Variants in ANXA1 observed in about 807,000 individuals in gnomAD.
ANXA1 encodes annexin I (lipocortin I).
A neutral mutation model predicts 47.9 loss-of-function variants in ANXA1; 39 were observed. The ratio of observed to expected loss-of-function variants is 0.81; its 90% CI spans 0.63 to 1.06. ANXA1 has a LOEUF of 1.06. Among genes scored for constraint, ANXA1 ranks in the 50% least tolerant of loss-of-function variants. The probability of loss-of-function intolerance (pLI) is 0.00; values close to 1 mark genes in which losing one functional copy is unlikely to be tolerated. For synonymous variants in ANXA1, 146 were observed against 142.5 expected (o/e 1.02, Z -0.17); for missense variants, 446 against 422.7 (o/e 1.06, Z -0.48).
chr9:73,166,209 T>C lies in ANXA1; in HGVS notation c.802+17T>C. 1.9e-6 allele frequency: 3 copies of C among 1,561,546 alleles called. No homozygotes were observed. Among genetic ancestry groups the C allele is most frequent in the East Asian group, 4.5e-5 (2 of 44,412 alleles). ...CAGCTATCGGTATGTAGTCCAGCAG[T>C]TGAAAGAGTTTTCTAACTAGAAATT... On this transcript the variant is annotated intron_variant, in intron 10 of 12. Coordinates refer to ENST00000257497, the MANE Select transcript of ANXA1 (RefSeq NM_000700.3).
Position 73,156,139 on chromosome 9 carries a change from A to AAATAATATAT in ANXA1, c.-14-2382_-14-2381insATAATATATA, listed in dbSNP as rs1563960825. On this transcript the variant is annotated intron_variant, in intron 1 of 12. Coordinates refer to ENST00000257497, the MANE Select transcript of ANXA1 (RefSeq NM_000700.3). Reference sequence around the variant, plus strand: ...ATAATAATAATAAATAAATAATAATAATAAATAATATAAATAAATAAATAA... The same window carrying AAATAATATAT: ...ATAATAATAATAAATAAATAATAATAAATAATATATATAAATAATATAAATAAATAAATAA... Among the ~76,000 whole-genome samples, 712 of 126,150 alleles carry AAATAATATAT rather than the reference A, an allele frequency of 5.6e-3. 5 individuals are homozygous for AAATAATATAT. The highest frequency in any genetic ancestry group is 0.022 in the African/African-American group (643 of 28,662). 82.8% of individuals were successfully genotyped at this position (126,150 alleles called of 152,430 possible).
At position 73,168,880 on chromosome 9, in the gene ANXA1, G is replaced by GGTGTGTGTGTGT. The variant is rs3832643; in HGVS notation, c.862-131_862-120dup. 9.5e-3 allele frequency: 3,827 copies of GGTGTGTGTGTGT among 402,256 alleles called. 37 individuals carry two copies. Among genetic ancestry groups the GGTGTGTGTGTGT allele is most frequent in the Middle Eastern group, 0.022 (29 of 1,290 alleles). 24.9% of individuals were successfully genotyped at this position (402,256 alleles called of 1,614,324 possible). ...TTTCATTTCATTACCATTCGTGTAAGGTGTGTGTGTGTGTGTGTGTGTGTG... is the reference window on the plus strand; with the variant it reads ...TTTCATTTCATTACCATTCGTGTAAGGTGTGTGTGTGTGTGTGTGTGTGTGTGTGTGTGTGTG... On this transcript the variant is annotated intron_variant, in intron 11 of 12. Transcript: ENST00000257497.
At chr9:73,167,921 G>T in intron 11 of ANXA1, 1 of 185,340 alleles carries the variant, frequency 5.4e-6, no homozygotes, top group East Asian at 1.4e-4. Flanking sequence ...AGTCTGATTT[G>T]TTGTTTTTAT....
Position 73,166,283 on chromosome 9 carries a change from C to T in ANXA1, c.802+91C>T. 3 of 904,888 alleles carry T rather than the reference C, an allele frequency of 3.3e-6. No homozygotes were observed. In the South Asian group the frequency reaches 5.2e-5, roughly 16 times the overall value. 56.1% of individuals were successfully genotyped at this position (904,888 alleles called of 1,614,324 possible). ...TTAACAAGAACAACAGCAACAAAAC[C>T]AATAAAAGAAAACAAAAAACAATCA... On this transcript the variant is annotated intron_variant, in intron 10 of 12. Transcript: ENST00000257497.
At chr9:73,160,941 T>A in intron 6 of ANXA1, 48 bp downstream of exon 6, 1 of 1,251,914 alleles carries the variant, frequency 8.0e-7, no homozygotes, top group Non-Finnish European at 1.2e-6. Context: ...GAAAAGGAAA[T>A]CTAATATACT....
At chr9:73,158,440 C>G in intron 1 of ANXA1, 82 bp from the exon 2 acceptor site, 2 of 1,050,618 alleles carry the variant, frequency 1.9e-6, no homozygotes, top group Admixed American at 3.6e-5. Flanking sequence ...AATGCTAACT[C>G]TTATGTATGT....
At position 73,166,185 on chromosome 9, in the gene ANXA1, A is replaced by C; in HGVS notation, c.795A>C (p.Thr265=). 1 of 1,610,586 alleles carries C rather than the reference A, an allele frequency of 6.2e-7. No individual in the cohort carries two copies. Among genetic ancestry groups the C allele is most frequent in the Non-Finnish European group, 8.5e-7 (1 of 1,177,702 alleles). ...AAGGTGACATTGAGAAATGCCTCAC[A>C]GCTATCGGTATGTAGTCCAGCAGTT... ...ELKGDIEKCL[T]AIVKCATSKP... The change falls in exon 10 of 13, where the codon ACA becomes ACC. Residue 265 remains threonine, a synonymous_variant. Transcript: ENST00000257497.
intron 5 of ANXA1, 81 bp from the exon 6 acceptor site, chr9:73,160,722 T>G (rs1824127803): frequency 1.3e-5 from 13 of 1,025,656 alleles, no homozygotes; most frequent in South Asian, 1.5e-5. Context: ...GTCAAACAAA[T>G]TTTGGAACAC....
In ANXA1 at chr9:73,158,809, G is replaced by T. The variant is rs760100719; in HGVS notation, c.175+6G>T. 1.9e-6 allele frequency: 3 copies of T among 1,609,886 alleles called. No homozygotes were observed. Among genetic ancestry groups the T allele is most frequent in the East Asian group, 4.5e-5 (2 of 44,818 alleles). ...TAAGGCCATAATGGTTAAAGGTAAC[G>T]TGTTTCCTCAAAACAGTTCCCTCCT... On this transcript the variant is annotated splice_donor_region_variant and intron_variant, in intron 3 of 12. Transcript: ENST00000257497.
At chr9:73,160,200 T>A in intron 4 of ANXA1, 63 bp from the exon 5 acceptor site, 1 of 1,181,912 alleles carries the variant, frequency 8.5e-7, no homozygotes, top group Admixed American at 2.6e-5. Flanking sequence ...TCAGGTAATA[T>A]CACATTTTTT....
rs758797231 is a variant in ANXA1 at position 73,158,662 on chromosome 9, A to C, written c.67-33A>C. 7 of 1,608,498 alleles carry C rather than the reference A, an allele frequency of 4.4e-6. No homozygotes were observed. In the Admixed American group the frequency reaches 6.7e-5, roughly 15 times the overall value. ...TTGAAATAAAAACGAATATAAGTAAATGGCCATTAATTTATTTCTCTCTCA... is the reference window on the plus strand; with the variant it reads ...TTGAAATAAAAACGAATATAAGTAACTGGCCATTAATTTATTTCTCTCTCA... On this transcript the variant is annotated intron_variant, in intron 2 of 12. Coordinates refer to ENST00000257497, the MANE Select transcript of ANXA1 (RefSeq NM_000700.3).
chr9:73,162,685 G>A (rs1824163258), intron 6 of ANXA1, 97 bp from the exon 7 acceptor site: 1 of 813,406 alleles, frequency 1.2e-6, no homozygotes, highest in Admixed American at 2.4e-5. Flanking sequence ...ATTGAACACT[G>A]TGGCACTGTG....
rs1452155583 is a variant in ANXA1 at position 73,170,106 on chromosome 9, A to G, written c.1040A>G (p.Ter347=). The part of the protein sequence containing the change: ...KILVALCGGN[*] ...CTGGTGGCTCTTTGTGGAGGAAACT[A>G]AACATTCCCTTGATGGTCTCAAGCT... Residue 347 remains the stop codon, a stop_retained_variant, in exon 13 of 13, where the codon TAA becomes TGA. Transcript: ENST00000257497. 8 of 1,604,132 alleles carry G rather than the reference A, an allele frequency of 5.0e-6. No individual in the cohort carries two copies. The highest frequency in any genetic ancestry group is 2.7e-5 in the African/African-American group (2 of 74,726).
chr9:73,165,262 T>C lies in ANXA1; in HGVS notation c.706+53T>C, dbSNP rs945509218. The stretch of plus-strand genomic sequence containing the variant: ...CTGTTTATGGAAGATGCAATTTTCT[T>C]TTTTGATGACAAATAAGAGAAAGTA... On this transcript the variant is annotated intron_variant, in intron 9 of 12. Transcript: ENST00000257497. 4 of 1,452,884 alleles carry C rather than the reference T, an allele frequency of 2.8e-6. No individual in the cohort carries two copies. The African/African-American group carries it at 5.7e-5, about 21-fold the overall frequency. 90.0% of individuals were successfully genotyped at this position (1,452,884 alleles called of 1,614,324 possible). A position where few individuals can be genotyped will look rare whatever the true frequency, so the allele number is the denominator to read the frequency against.
intron 11 of ANXA1, 145 bp from the exon 12 acceptor site, chr9:73,168,887 G>A (rs1328431263): frequency 6.6e-6 from 4 of 608,018 alleles, no homozygotes; most frequent in Non-Finnish European, 1.1e-5. Flanking sequence ...TAAGGTGTGT[G>A]TGTGTGTGTG....
At chr9:73,163,200 G>A (rs1429164104) in intron 7 of ANXA1, among the ~76,000 whole-genome samples, 7 of 151,930 alleles carry the variant, frequency 4.6e-5, no homozygotes, top group African/African-American at 7.3e-5. Flanking sequence ...TCCCAGTGAC[G>A]GCATTAATCT....
At chr9:73,156,121 T>TAAATA (rs67111842) in intron 1 of ANXA1, among the ~76,000 whole-genome samples, 2 of 140,114 alleles carry the variant, frequency 1.4e-5, no homozygotes, top group East Asian at 2.0e-4. Context: ...ATAATAATAA[T>TAAATA]AATAAATAAA....
chr9:73,154,983 A>G lies in ANXA1; in HGVS notation c.-15+3059A>G, dbSNP rs558861477. On this transcript the variant is annotated intron_variant, in intron 1 of 12. Coordinates refer to ENST00000257497, the MANE Select transcript of ANXA1 (RefSeq NM_000700.3). ...ACAAAACTCAGCTTCCTCTGTCACA[A>G]ATTCTAGATAGAGGTAGCCTTTCAT... 2.6e-5 allele frequency among the ~76,000 whole-genome samples: 4 copies of G among 152,260 alleles called. No homozygotes were observed. The East Asian group carries it at 7.7e-4, about 29-fold the overall frequency.
chr9:73,153,541 G>T (rs548251211), intron 1 of ANXA1, among the ~76,000 whole-genome samples: 2 of 152,144 alleles, frequency 1.3e-5, no homozygotes, highest in African/African-American at 4.8e-5. Context: ...GATCTTAGAT[G>T]ATAATTACTT....
Sources: allele counts gnomAD v4.1 joint callset (sites outside exome capture counted in the v4.1 genomes callset), GRCh38; gene constraint gnomAD v4.1.1; transcripts MANE v1.5; gene names NCBI Gene and HGNC (gene_info 2026-07-23, HGNC 2026-07-21).